SGK2: variants seen among roughly 807,000 people sequenced by gnomAD.
SGK2 encodes the protein serum/glucocorticoid regulated kinase 2, also known as serine/threonine-protein kinase Sgk2.
A neutral mutation model predicts 47.5 loss-of-function variants in SGK2; 36 were observed. That is an observed-to-expected ratio of 0.76 (90% CI 0.58 to 1.00). The LOEUF (loss-of-function observed/expected upper bound fraction) is 1.00, where lower values mean the gene tolerates loss of function less well. Among genes scored for constraint, SGK2 ranks in the 50% least tolerant of loss-of-function variants. SGK2 has a pLI of 0.00. For synonymous variants in SGK2, 157 were observed against 181.9 expected, an observed-to-expected ratio of 0.86 and a Z score of 1.10; for missense variants, 404 against 467.4, an observed-to-expected ratio of 0.86 and a Z score of 1.25.
chr20:43,560,489 A>G (rs1171074188), intron 1 of SGK2, among the ~76,000 whole-genome samples: 1 of 137,192 alleles, frequency 7.3e-6, no homozygotes, highest in Admixed American at 7.4e-5. Context: ...ACAGAGCGAG[A>G]CTCCATCTCA....
intron 1 of SGK2, among the ~76,000 whole-genome samples, chr20:43,559,524 G>A (rs1646456435): frequency 6.6e-6 from 1 of 152,170 alleles, no homozygotes; most frequent in Admixed American, 6.5e-5. Flanking sequence ...TCTTGATCAT[G>A]TCACTTCCCT....
At position 43,574,987 on chromosome 20, in the gene SGK2, G is replaced by A. The variant is rs1980376744; in HGVS notation, c.676G>A (p.Glu226Lys). The change falls in exon 10 of 13, where the codon GAG (glutamate) becomes AAG (lysine). Residue 226 changes from glutamate (E) to lysine (K), a missense_variant. Glu to Lys is a moderately conservative substitution (Grantham distance 56). Coordinates refer to ENST00000373100, the MANE Select transcript of SGK2 (RefSeq NM_170693.3). The stretch of plus-strand genomic sequence containing the variant: ...GTGGTGCTTGGGGGCAGTCCTCTAC[G>A]AGATGCTCCATGGCCTGGTGAGTCA... ...DWWCLGAVLY[E>K]MLHGLPPFYS... 3 of 1,613,282 alleles carry A rather than the reference G, an allele frequency of 1.9e-6. No individual in the cohort carries two copies. Among genetic ancestry groups the A allele is most frequent in the African/African-American group, 1.3e-5 (1 of 74,872 alleles).
intron 5 of SGK2, 64 bp from the exon 6 acceptor site, chr20:43,569,321 T>C (rs951501885): frequency 1.2e-5 from 19 of 1,594,724 alleles, no homozygotes; most frequent in Non-Finnish European, 1.5e-5. Context: ...TTATATGGGC[T>C]GAGCCGGGAT....
chr20:43,578,321 C>A (rs1186327092), intron 11 of SGK2, among the ~76,000 whole-genome samples: 1 of 152,054 alleles, frequency 6.6e-6, no homozygotes, highest in African/African-American at 2.4e-5. Flanking sequence ...CCGGTCTCTA[C>A]TAAAAGTACA....
At chr20:43,568,054 G>A (rs1979850628) in intron 5 of SGK2, 55 bp downstream of exon 5, 2 of 1,496,506 alleles carry the variant, frequency 1.3e-6, no homozygotes, top group African/African-American at 2.8e-5. Context: ...CCGCAGCCTA[G>A]GGTGGCTTTC....
chr20:43,566,315 C>A, intron 1 of SGK2, 158 bp from the exon 2 acceptor site: 1 of 1,605,486 alleles, frequency 6.2e-7, no homozygotes, highest in Non-Finnish European at 8.5e-7. Context: ...TTGTTCCATC[C>A]ATGCAGGGGT....
At chr20:43,559,217 G>A (rs559105683) in intron 1 of SGK2, 58 bp downstream of exon 1, 22 of 152,378 alleles carry the variant, frequency 1.4e-4, no homozygotes, top group African/African-American at 5.3e-4. Flanking sequence ...TCTCCAGATT[G>A]ACTAGTTACC....
At chr20:43,583,191 C>T (rs761844088) in intron 12 of SGK2, 10 of 1,289,358 alleles carry the variant, frequency 7.8e-6, no homozygotes, top group South Asian at 2.5e-5. Flanking sequence ...AGGATACACT[C>T]GGGCCAGGCA....
At chr20:43,564,612 C>T (rs1979575714) in intron 1 of SGK2, among the ~76,000 whole-genome samples, 1 of 151,708 alleles carries the variant, frequency 6.6e-6, no homozygotes, top group African/African-American at 2.4e-5. Context: ...TCTTAACACA[C>T]ACCTTCAGAC....
chr20:43,569,853 C>A (rs1321598835), intron 6 of SGK2, among the ~76,000 whole-genome samples: 1 of 152,152 alleles, frequency 6.6e-6, no homozygotes, highest in African/African-American at 2.4e-5. Context: ...CTAGTGCTCC[C>A]ATAGGCCACA....
intron 5 of SGK2, among the ~76,000 whole-genome samples, chr20:43,568,918 G>A (rs554060765): frequency 4.6e-5 from 7 of 152,276 alleles, no homozygotes; most frequent in African/African-American, 1.7e-4. Context: ...AGGTCTCCGT[G>A]GGGGGTGGAA....
rs368731800 is a variant in SGK2 at position 43,584,966 on chromosome 20, T to C, written c.1054T>C (p.Phe352Leu). 21 of 1,614,020 alleles carry C rather than the reference T, an allele frequency of 1.3e-5. No individual in the cohort carries two copies. Among genetic ancestry groups the C allele is most frequent in the African/African-American group, 2.7e-5 (2 of 74,924 alleles). ...VASSSGASSAFLGFSYAPEDD... is the reference protein window; with the variant it reads ...VASSSGASSALLGFSYAPEDD... ...CAGCAGCTCTGGGGCCTCAAGTGCA[T>C]TCCTGGGATTTTCTTATGCGCCAGA... Residue 352 changes from phenylalanine (F) to leucine (L), a missense_variant, in exon 13 of 13, where the codon TTC becomes CTC. Physicochemically the swap from Phe to Leu is conservative, Grantham distance 22 (BLOSUM62 0). Transcript: ENST00000373100.
In SGK2 at chr20:43,570,655, G is replaced by A. The variant is rs1404107300; in HGVS notation, c.399G>A (p.Glu133=). The change falls in exon 7 of 13, where the codon GAG becomes GAA. Residue 133 remains glutamate, a synonymous_variant. Coordinates refer to ENST00000373100, the MANE Select transcript of SGK2 (RefSeq NM_170693.3). ...FHLQRERRFL[E]PRARFYAAEV... Reference sequence around the variant, plus strand: ...TGCAGCGGGAGCGCCGGTTCCTGGAGCCCCGGGCCAGGTTCTACGCTGCTG... The same window carrying A: ...TGCAGCGGGAGCGCCGGTTCCTGGAACCCCGGGCCAGGTTCTACGCTGCTG... 9 of 1,612,018 alleles carry A rather than the reference G, an allele frequency of 5.6e-6. No individual in the cohort carries two copies. The highest frequency in any genetic ancestry group is 6.8e-6 in the Non-Finnish European group (8 of 1,178,528).
intron 11 of SGK2, among the ~76,000 whole-genome samples, chr20:43,579,464 G>A (rs530577373): frequency 2.0e-5 from 3 of 152,314 alleles, no homozygotes; most frequent in Non-Finnish European, 4.4e-5. Context: ...AGGAAAGGTG[G>A]TGAATCATGA....
At position 43,567,072 on chromosome 20, in the gene SGK2, C is replaced by T; in HGVS notation, c.41C>T (p.Ser14Phe). Residue 14 changes from serine (S) to phenylalanine (F), a missense_variant, in exon 3 of 13, where the codon TCC (serine) becomes TTC (phenylalanine). Physicochemically the swap from Ser to Phe is radical, Grantham distance 155. Coordinates refer to ENST00000373100, the MANE Select transcript of SGK2 (RefSeq NM_170693.3). Reference protein sequence around the residue: ...SPAGTPSPQPSRANGNINLGP... With the variant: ...SPAGTPSPQPFRANGNINLGP... ...CATAATCACTTCTTTCTTTAGCCCT[C>T]CAGGGCCAATGGGAACATCAACCTG... 1 of 1,613,952 alleles carries T rather than the reference C, an allele frequency of 6.2e-7. No individual in the cohort carries two copies. Among genetic ancestry groups the T allele is most frequent in the Non-Finnish European group, 8.5e-7 (1 of 1,179,784 alleles).
intron 10 of SGK2, 119 bp downstream of exon 10, chr20:43,575,123 A>G: frequency 1.5e-6 from 1 of 663,800 alleles, no homozygotes; most frequent in Non-Finnish European, 2.7e-6. Flanking sequence ...TCCAGACTAA[A>G]AAAGATAACG....
Position 43,572,547 on chromosome 20 carries a change from G to A in SGK2, c.597+410G>A, listed in dbSNP as rs546479805. Among the ~76,000 whole-genome samples, 2 of 152,148 alleles carry A rather than the reference G, an allele frequency of 1.3e-5. No homozygotes were observed. Among genetic ancestry groups the A allele is most frequent in the African/African-American group, 2.4e-5 (1 of 41,516 alleles). Reference sequence around the variant, plus strand: ...AAAAAATTAGCTGGGCACGGTGACGGGCACCTATAGTCCCAGCTACTCGGG... The same window carrying A: ...AAAAAATTAGCTGGGCACGGTGACGAGCACCTATAGTCCCAGCTACTCGGG... On this transcript the variant is annotated intron_variant, in intron 9 of 12. Coordinates refer to ENST00000373100, the MANE Select transcript of SGK2 (RefSeq NM_170693.3). This position sits in a 1 kb window ranked among gnomAD's most constrained non-coding sequence, Gnocchi z 4.2.
At chr20:43,561,647 A>G (rs996586153) in intron 1 of SGK2, among the ~76,000 whole-genome samples, 1 of 152,064 alleles carries the variant, frequency 6.6e-6, no homozygotes, top group Non-Finnish European at 1.5e-5. Flanking sequence ...TCGGCCTCCC[A>G]AAGCACTGGG....
In SGK2 at chr20:43,576,373, A is replaced by C; in HGVS notation, c.843A>C (p.Ala281=). Residue 281 remains alanine (A), a synonymous_variant, in exon 11 of 13, where the codon GCA becomes GCC. Coordinates refer to ENST00000373100, the MANE Select transcript of SGK2 (RefSeq NM_170693.3). Reference sequence around the variant, plus strand: ...AGAGGCAGCGGCTGGGCTCCAAAGCAGACTTTGTAGGTGACCTACCAGTGG... The same window carrying C: ...AGAGGCAGCGGCTGGGCTCCAAAGCCGACTTTGTAGGTGACCTACCAGTGG... The part of the protein sequence containing the change: ...KDQRQRLGSK[A]DFLEIKNHVF... 6.2e-7 allele frequency: 1 copy of C among 1,613,970 alleles called. No individual in the cohort carries two copies. The highest frequency in any genetic ancestry group is 8.5e-7 in the Non-Finnish European group (1 of 1,179,914).
Sources: gnomAD v4.1 joint callset for allele counts (sites outside exome capture counted in the v4.1 genomes callset) on GRCh38, gnomAD v4.1.1 for gene constraint, Gnocchi (gnomAD v3.1) non-coding constraint, MANE v1.5 for transcripts, NCBI Gene and HGNC (gene_info 2026-07-23, HGNC 2026-07-21) for gene names.